The following CPVL variants were observed in gnomAD, a reference collection of about 807,000 sequenced individuals.
CPVL encodes the protein carboxypeptidase vitellogenic like.
Under a neutral mutation model 63.7 loss-of-function variants are expected in CPVL, and 51 were observed. The observed-to-expected ratio is 0.80, with a 90% CI of 0.64 to 1.01. The LOEUF is 1.01. CPVL is among the 50% of genes least tolerant of loss of function. The pLI is 0.00. For synonymous variants in CPVL, 195 were observed against 206.0 expected (o/e 0.95, Z 0.46); for missense variants, 530 against 573.1 (o/e 0.92, Z 0.77).
chr7:29,126,486 C>T (rs1790037920), intron 1 of CPVL: 1 of 152,134 alleles, frequency 6.6e-6, no homozygotes, highest in Non-Finnish European at 1.5e-5. Context: ...TTCTCCCCTA[C>T]CTGATCAACC....
chr7:29,109,689 G>C (rs1279097920), intron 3 of CPVL, among the ~76,000 whole-genome samples: 1 of 152,042 alleles, frequency 6.6e-6, no homozygotes, highest in Non-Finnish European at 1.5e-5. Context: ...CTCTTCTCCC[G>C]AAGCTTCATC....
At chr7:29,166,218 G>C (rs11772603) in intron 5 of CPVL, among the ~76,000 whole-genome samples, 12 of 151,956 alleles carry the variant, frequency 7.9e-5, no homozygotes, top group African/African-American at 2.9e-4. Flanking sequence ...TGTTTTTGTA[G>C]AGGTGGGGTC....
intron 1 of CPVL, among the ~76,000 whole-genome samples, chr7:29,123,321 G>A (rs906569498): frequency 1.1e-4 from 16 of 151,848 alleles, no homozygotes; most frequent in Admixed American, 6.6e-4. Flanking sequence ...GTCTCTCAGG[G>A]TTAACTTACT....
chr7:29,153,769 C>G (rs989881690), intron 5 of CPVL, among the ~76,000 whole-genome samples: 5 of 151,998 alleles, frequency 3.3e-5, no homozygotes, highest in African/African-American at 1.2e-4. Context: ...AGGGTTTCAC[C>G]ATGTTGGCCA....
At chr7:29,176,050 G>T (rs1303362135) in intron 5 of CPVL, among the ~76,000 whole-genome samples, 1 of 152,104 alleles carries the variant, frequency 6.6e-6, no homozygotes, top group African/African-American at 2.4e-5. Flanking sequence ...GCCAGGCGTG[G>T]TGGTGGGCGC....
intron 9 of CPVL, among the ~76,000 whole-genome samples, chr7:29,068,974 C>T (rs915319110): frequency 6.6e-5 from 10 of 151,192 alleles, no homozygotes; most frequent in African/African-American, 1.9e-4. Context: ...TGAGCCACTG[C>T]GCCCGGCCGA....
intron 12 of CPVL, among the ~76,000 whole-genome samples, chr7:29,000,047 A>G (rs1200484008): frequency 1.3e-5 from 2 of 152,258 alleles, no homozygotes; most frequent in Admixed American, 1.3e-4. Flanking sequence ...AGAACTGTCT[A>G]TTTTGGGTGC....
intron 5 of CPVL, among the ~76,000 whole-genome samples, chr7:29,159,186 G>A (rs1794839938): frequency 6.6e-6 from 1 of 152,182 alleles, no homozygotes. Context: ...TTCTTTATCT[G>A]GGAGTCACAG....
chr7:29,052,220 A>G (rs954653123), intron 11 of CPVL, among the ~76,000 whole-genome samples: 2 of 151,672 alleles, frequency 1.3e-5, no homozygotes, highest in African/African-American at 4.8e-5. Context: ...GTGCACCAAA[A>G]TCTCACAAAT....
chr7:29,030,566 C>A lies in CPVL; in HGVS notation c.1320+11G>T, dbSNP rs1441059277. The A allele has an allele frequency of 6.2e-7, 1 of 1,606,386 alleles. No individual in the cohort carries two copies. The highest frequency in any genetic ancestry group is 8.5e-7 in the Non-Finnish European group (1 of 1,176,366). ...TTCCCACAACCTGCCTGCTCCCAAG[C>A]ATCTTCCTACCTGATGGAAGTCACC... On this transcript the variant is annotated intron_variant, in intron 12 of 12. Coordinates refer to ENST00000265394, the MANE Select transcript of CPVL (RefSeq NM_031311.5).
At chr7:29,055,648 G>C (rs1790657952) in intron 11 of CPVL, among the ~76,000 whole-genome samples, 1 of 152,198 alleles carries the variant, frequency 6.6e-6, no homozygotes, top group African/African-American at 2.4e-5. Flanking sequence ...CCCTGGTGCT[G>C]GGCTCTCAGG....
rs1313055186 is a variant in CPVL, at chr7:29,002,868, A to AC, written c.1321-6987_1321-6986insG. ...TGGAGAATAAAGGTATGAAAATTCA[A>AC]AAAAAAAAAAAAAGAAGAAGAAGAC... On this transcript the variant is annotated intron_variant, in intron 12 of 12. Transcript: ENST00000265394. Among the ~76,000 whole-genome samples the AC allele has an allele frequency of 8.0e-3, 1,177 of 146,294 alleles. 17 individuals carry two copies. The highest frequency in any genetic ancestry group is 0.029 in the African/African-American group (1,138 of 38,630).
chr7:29,158,194 C>G (rs1221201764), intron 5 of CPVL, among the ~76,000 whole-genome samples: 1 of 152,112 alleles, frequency 6.6e-6, no homozygotes, highest in Non-Finnish European at 1.5e-5. Flanking sequence ...AGCATGAGTT[C>G]CGGAATGAAT....
At chr7:29,189,956 G>A (rs1265668411) in intron 1 of CPVL, among the ~76,000 whole-genome samples, 1 of 152,186 alleles carries the variant, frequency 6.6e-6, no homozygotes, top group Non-Finnish European at 1.5e-5. Flanking sequence ...GCCTCCCTTT[G>A]TCTGCACCCC....
chr7:29,148,950 A>AT (rs924599864), upstream of CPVL, among the ~76,000 whole-genome samples: 1 of 152,052 alleles, frequency 6.6e-6, no homozygotes, highest in Non-Finnish European at 1.5e-5. Context: ...ACATTAAAAA[A>AT]TGAATAGCCA....
intron 11 of CPVL, among the ~76,000 whole-genome samples, chr7:29,062,802 A>G (rs983844725): frequency 2.0e-5 from 3 of 152,210 alleles, no homozygotes; most frequent in Admixed American, 6.5e-5. Context: ...TTTCTGAAAG[A>G]TCGAAATAAA....
intron 2 of CPVL, among the ~76,000 whole-genome samples, chr7:29,117,279 A>G (rs1229717784): frequency 6.6e-6 from 1 of 152,222 alleles, no homozygotes; most frequent in Non-Finnish European, 1.5e-5. Flanking sequence ...GCTAATACCC[A>G]TAACTGAGAA....
chr7:29,000,750 G>A (rs1784551638), intron 12 of CPVL, among the ~76,000 whole-genome samples: 1 of 152,154 alleles, frequency 6.6e-6, no homozygotes, highest in South Asian at 2.1e-4. Context: ...TAAAGCGTAT[G>A]ATTCGGTAGC....
At chr7:29,173,714 G>A (rs1043567046) in intron 5 of CPVL, among the ~76,000 whole-genome samples, 16 of 151,406 alleles carry the variant, frequency 1.1e-4, no homozygotes, top group African/African-American at 3.2e-4. Context: ...AGGCTGAGGC[G>A]GGCAGATCAC....
Sources: allele counts gnomAD v4.1 joint callset (sites outside exome capture counted in the v4.1 genomes callset), GRCh38; gene constraint gnomAD v4.1.1; transcripts MANE v1.5; gene names NCBI Gene and HGNC (gene_info 2026-07-23, HGNC 2026-07-21).